TAGAP: variants seen among roughly 807,000 people sequenced by gnomAD.
TAGAP encodes the protein T cell activation RhoGTPase activating protein, also known as T-cell activation Rho GTPase-activating protein.
A neutral mutation model predicts 36.0 loss-of-function variants in TAGAP; 16 were observed. That is an observed-to-expected ratio of 0.44 (90% confidence interval 0.30 to 0.68). TAGAP has a LOEUF of 0.68. Ranked by LOEUF, TAGAP falls within the 30% of genes least tolerant of loss-of-function variation. The pLI is 0.09. For missense variants in TAGAP, 794 were observed against 921.5 expected (o/e 0.86, Z 1.79); for synonymous variants, 372 against 377.4 (o/e 0.99, Z 0.17).
chr6:159,044,040 G>GAA lies in TAGAP; in HGVS notation c.28-11_28-10dup. On this transcript the variant is annotated splice_polypyrimidine_tract_variant and intron_variant, in intron 2 of 9. Coordinates refer to ENST00000367066, the MANE Select transcript of TAGAP (RefSeq NM_054114.5). ...GCGTTTAGTGTTTTTGACTAAAAGAGAAAAAATAAAATTAGGTAAATATCT... is the reference window on the plus strand; with the variant it reads ...GCGTTTAGTGTTTTTGACTAAAAGAGAAAAAAAATAAAATTAGGTAAATATCT... The GAA allele has an allele frequency of 1.2e-6, 2 of 1,613,446 alleles. No homozygotes were observed. The highest frequency in any genetic ancestry group is 1.7e-6 in the Non-Finnish European group (2 of 1,179,726).
Position 159,036,489 on chromosome 6 carries a change from T to C in TAGAP, c.1534A>G (p.Thr512Ala). ...AGCACTTTTTTGTGAGGGGCAAAGG[T>C]GAAAGACATGGAGTGCTTTTTAATT... ...REIKKHSMSF[T>A]FAPHKKVLTK... Residue 512 changes from threonine to alanine, a missense_variant, in exon 10 of 10, where the codon ACC (threonine) becomes GCC (alanine). Thr to Ala is a moderately conservative substitution (Grantham distance 58). Transcript: ENST00000367066. The surrounding 1 kb of genome is among the most constrained non-coding windows in gnomAD (Gnocchi z 4.9). 1.2e-6 allele frequency: 2 copies of C among 1,614,030 alleles called. No homozygotes were observed. Among genetic ancestry groups the C allele is most frequent in the South Asian group, 2.2e-5 (2 of 91,064 alleles).
intron 8 of TAGAP, chr6:159,038,798 T>C: frequency 1.5e-6 from 1 of 677,658 alleles, no homozygotes; most frequent in South Asian, 3.7e-5. Context: ...AAGTAAGTAG[T>C]GTCCCAGATT....
Position 159,038,172 on chromosome 6 carries a change from G to A in TAGAP, c.840C>T (p.Asn280=). Residue 280 remains asparagine (N), a synonymous_variant, in exon 9 of 10, where the codon AAC becomes AAT. Transcript: ENST00000367066. ...AAGTGATACTGGAATGCACTGGAAT[G>A]TTCTCCCCAAATATTTCAAAGCAGT... The part of the protein sequence containing the change: ...IDNCFEIFGE[N]IPVHSSITSD... The A allele has an allele frequency of 6.2e-7, 1 of 1,609,864 alleles. No individual in the cohort carries two copies. The highest frequency in any genetic ancestry group is 8.5e-7 in the Non-Finnish European group (1 of 1,177,520).
rs903546584 is a variant in TAGAP, at chr6:159,041,141, G to A, written c.477+213C>T. On this transcript the variant is annotated intron_variant, in intron 6 of 9. Transcript: ENST00000367066. This position sits in a 1 kb window ranked among gnomAD's most constrained non-coding sequence, Gnocchi z 4.1. Reference sequence around the variant, plus strand: ...AATTGCCCGTACTTGGCAAAGTTTTGGGAGAGCAGAATGCATCACTTTCTG... The same window carrying A: ...AATTGCCCGTACTTGGCAAAGTTTTAGGAGAGCAGAATGCATCACTTTCTG... 1.2e-5 allele frequency: 8 copies of A among 665,908 alleles called. No individual in the cohort carries two copies. Among genetic ancestry groups the A allele is most frequent in the Non-Finnish European group, 2.0e-5 (8 of 403,170 alleles). 41.2% of individuals were successfully genotyped at this position (665,908 alleles called of 1,614,324 possible).
intron 8 of TAGAP, 35 bp from the exon 9 acceptor site, chr6:159,038,263 GACTTT>G: frequency 3.1e-6 from 2 of 637,650 alleles, no homozygotes; most frequent in Admixed American, 5.6e-5. Flanking sequence ...TCAGCTTGAA[GACTTT>G]TTTTTTTTTT....
rs1448187652 is a variant in TAGAP at position 159,043,665 on chromosome 6, T to C, written c.82-10A>G. 6.2e-7 allele frequency: 1 copy of C among 1,613,230 alleles called. No homozygotes were observed. The highest frequency in any genetic ancestry group is 1.7e-5 in the Admixed American group (1 of 59,996). ...GTTCCTTGATATCACCCTAAAAACATTTTTATTTCAGTTAAATATAGTGAC... is the reference window on the plus strand; with the variant it reads ...GTTCCTTGATATCACCCTAAAAACACTTTTATTTCAGTTAAATATAGTGAC... On this transcript the variant is annotated splice_polypyrimidine_tract_variant and intron_variant, in intron 3 of 9. Transcript: ENST00000367066.
In TAGAP at chr6:159,042,004, A is replaced by T. The variant is rs189376200; in HGVS notation, c.315+74T>A. ...TCCCTACAAACTTAATAGGAGAATG[A>T]CATTCAGATTTCCCGAGTATTTTGC... On this transcript the variant is annotated intron_variant, in intron 5 of 9. Coordinates refer to ENST00000367066, the MANE Select transcript of TAGAP (RefSeq NM_054114.5). 1,795 of 1,494,224 alleles carry T rather than the reference A, an allele frequency of 1.2e-3. 3 individuals are homozygous for T. Among genetic ancestry groups the T allele is most frequent in the Non-Finnish European group, 1.5e-3 (1,601 of 1,096,436 alleles). The allele number at this position is 1,494,224 out of a possible 1,614,324, so 92.6% of individuals were successfully genotyped here. A position where few individuals can be genotyped will look rare whatever the true frequency, so the allele number is the denominator to read the frequency against.
At chr6:159,044,833 G>A (rs1779872323) in intron 1 of TAGAP, 46 bp downstream of exon 1, 5 of 397,944 alleles carry the variant, frequency 1.3e-5, no homozygotes, top group Non-Finnish European at 2.2e-5. Flanking sequence ...TGTGACTTGC[G>A]AGGCAGCTTG....
rs1381934492 is a variant in TAGAP, at chr6:159,043,796, A to G, written c.82-141T>C. 7 of 1,025,436 alleles carry G rather than the reference A, an allele frequency of 6.8e-6. No homozygotes were observed. The Admixed American group carries it at 1.5e-4, about 22-fold the overall frequency. 63.5% of individuals were successfully genotyped at this position (1,025,436 alleles called of 1,614,324 possible). A position where few individuals can be genotyped will look rare whatever the true frequency, so the allele number is the denominator to read the frequency against. On this transcript the variant is annotated intron_variant, in intron 3 of 9. Transcript: ENST00000367066. ...ATTGATGTTTTTTCTAGCTTCTAGA[A>G]GCAATATTAAGGTCTTGATTGTCAT... is the stretch of plus-strand genomic sequence containing the variant.
intron 4 of TAGAP, chr6:159,043,052 A>G (rs949257254): frequency 1.3e-5 from 2 of 152,760 alleles, no homozygotes; most frequent in African/African-American, 2.4e-5. Context: ...TATTTTCTAA[A>G]TGCATTGGCA....
intron 6 of TAGAP, 75 bp from the exon 7 acceptor site, chr6:159,040,907 G>T: frequency 8.5e-7 from 1 of 1,176,358 alleles, no homozygotes; most frequent in Non-Finnish European, 1.3e-6. Flanking sequence ...CCCGGTTTTC[G>T]TTCCATCGCA....
chr6:159,040,800 A>G lies in TAGAP; in HGVS notation c.510T>C (p.Leu170=), dbSNP rs369656165. 1.3e-5 allele frequency: 21 copies of G among 1,613,992 alleles called. No homozygotes were observed. The highest frequency in any genetic ancestry group is 1.6e-5 in the Non-Finnish European group (19 of 1,179,994). ...DFLRSIPRKL[L]SSDLFEEWMG... is the part of the protein sequence containing the mutation. ...TCCACTCCTCAAAGAGGTCGCTTGAAAGTAGCTTCCGGGGGATACTTCTGA... is the reference window on the plus strand; with the variant it reads ...TCCACTCCTCAAAGAGGTCGCTTGAGAGTAGCTTCCGGGGGATACTTCTGA... Residue 170 remains leucine (L), a synonymous_variant, in exon 7 of 10, where the codon CTT becomes CTC. Transcript: ENST00000367066.
intron 7 of TAGAP, among the ~76,000 whole-genome samples, chr6:159,040,092 T>A (rs1779694197): frequency 6.6e-6 from 1 of 152,362 alleles, no homozygotes. Flanking sequence ...TTTCATAGGA[T>A]GTGACAACCA....
Position 159,039,129 on chromosome 6 carries a change from C to T in TAGAP, c.768G>A (p.Lys256=), listed in dbSNP as rs141310721. The change falls in exon 8 of 10, where the codon AAG becomes AAA. Residue 256 remains lysine (K), a synonymous_variant. Transcript: ENST00000367066. ...CAGAACAAACCTTGTTGTTCAGGTC[C>T]TTCTGGGCTTCAAATGACAGGCTCT... ...NDQSLSFEAQ[K]DLNNKVKTLV... The T allele has an allele frequency of 6.2e-7, 1 of 1,614,150 alleles. No individual in the cohort carries two copies. The highest frequency in any genetic ancestry group is 8.5e-7 in the Non-Finnish European group (1 of 1,180,032).
Position 159,039,178 on chromosome 6 carries a change from T to C in TAGAP, c.719A>G (p.Asn240Ser). ...CTGGTCATTCTCCAGGGTGAGCATG[T>C]TGGGTCCAATGCAGATGGCCAGATT... The part of the protein sequence containing the change: ...SSNLAICIGP[N>S]MLTLENDQSL... The change falls in exon 8 of 10, where the codon AAC becomes AGC. Residue 240 changes from asparagine to serine, a missense_variant. Physicochemically the swap from Asn to Ser is conservative, Grantham distance 46. Coordinates refer to ENST00000367066, the MANE Select transcript of TAGAP (RefSeq NM_054114.5). 1 of 1,614,178 alleles carries C rather than the reference T, an allele frequency of 6.2e-7. No homozygotes were observed. The highest frequency in any genetic ancestry group is 1.1e-5 in the South Asian group (1 of 91,082).
In TAGAP at chr6:159,044,044, A is replaced by T; in HGVS notation, c.28-13T>A. The T allele has an allele frequency of 6.2e-7, 1 of 1,613,772 alleles. No individual in the cohort carries two copies. The highest frequency in any genetic ancestry group is 8.5e-7 in the Non-Finnish European group (1 of 1,179,880). ...TTAGTGTTTTTGACTAAAAGAGAAA[A>T]AATAAAATTAGGTAAATATCTTTTG... is the stretch of plus-strand genomic sequence containing the variant. On this transcript the variant is annotated splice_polypyrimidine_tract_variant and intron_variant, in intron 2 of 9. Transcript: ENST00000367066.
At position 159,036,455 on chromosome 6, in the gene TAGAP, T is replaced by G; in HGVS notation, c.1568A>C (p.Asn523Thr). The part of the protein sequence containing the change: ...FAPHKKVLTK[N>T]LSAGSGKSQD... ...CGATTTCCCAGAGCCCGCGCTGAGG[T>G]TTTTGGTCAGCACTTTTTTGTGAGG... Residue 523 changes from asparagine to threonine, a missense_variant, in exon 10 of 10, where the codon AAC (asparagine) becomes ACC (threonine). Asn to Thr is a moderately conservative substitution (Grantham distance 65). Coordinates refer to ENST00000367066, the MANE Select transcript of TAGAP (RefSeq NM_054114.5). This position sits in a 1 kb window ranked among gnomAD's most constrained non-coding sequence, Gnocchi z 4.9. The G allele has an allele frequency of 1.9e-6, 3 of 1,613,708 alleles. No homozygotes were observed. Among genetic ancestry groups the G allele is most frequent in the Non-Finnish European group, 2.5e-6 (3 of 1,179,910 alleles).
chr6:159,038,236 G>T lies in TAGAP; in HGVS notation c.784-8C>A. 1.5e-6 allele frequency: 2 copies of T among 1,322,578 alleles called. No homozygotes were observed. The highest frequency in any genetic ancestry group is 1.2e-5 in the South Asian group (1 of 82,376). The allele number at this position is 1,322,578 out of a possible 1,614,324, so 81.9% of individuals were successfully genotyped here. A position where few individuals can be genotyped will look rare whatever the true frequency, so the allele number is the denominator to read the frequency against. On this transcript the variant is annotated splice_polypyrimidine_tract_variant and splice_region_variant and intron_variant, in intron 8 of 9. Transcript: ENST00000367066. Reference sequence around the variant, plus strand: ...TTCCACCAGTGTCTTCACCTGTGAGGAAAAGTAAGCAATTTGTCAGCTTGA... The same window carrying T: ...TTCCACCAGTGTCTTCACCTGTGAGTAAAAGTAAGCAATTTGTCAGCTTGA...
intron 5 of TAGAP, 50 bp downstream of exon 5, chr6:159,042,028 G>A (rs1472417728): frequency 5.8e-6 from 9 of 1,561,800 alleles, no homozygotes; most frequent in Non-Finnish European, 7.8e-6. Context: ...CGAGTATTTT[G>A]CATGTCCAAC....
Sources: allele counts gnomAD v4.1 joint callset (sites outside exome capture counted in the v4.1 genomes callset), GRCh38; gene constraint gnomAD v4.1.1; non-coding constraint Gnocchi (gnomAD v3.1); transcripts MANE v1.5; gene names NCBI Gene and HGNC (gene_info 2026-07-23, HGNC 2026-07-21).